The following TAF7L variants were observed in gnomAD, a reference collection of about 807,000 sequenced individuals.
TAF7L encodes the protein transcription initiation factor TFIID subunit 7-like.
Under a neutral mutation model 30.2 loss-of-function variants are expected in TAF7L, and 6 were observed. The observed-to-expected ratio is 0.20, with a 90% CI of 0.11 to 0.39. The LOEUF (loss-of-function observed/expected upper bound fraction) is 0.39, where lower values mean the gene tolerates loss of function less well. Ranked by LOEUF, TAF7L falls within the 10% of genes least tolerant of loss-of-function variation. The pLI, the probability that TAF7L is intolerant of heterozygous loss-of-function variation, is 1.00. For missense variants in TAF7L, 284 were observed against 277.1 expected (o/e 1.03, Z -0.18); for synonymous variants, 93 against 94.5 (o/e 0.98, Z 0.09).
In TAF7L at chrX:101,291,212, C is replaced by A; in HGVS notation, c.-3+12G>T. ...ACCCGGTCCCGGCCGCCCGGTCGGC[C>A]GCCCGACTCACCCGCTCCTCCGGGA... On this transcript the variant is annotated intron_variant, in intron 1 of 12. Coordinates refer to ENST00000356784, the MANE Select transcript of TAF7L (RefSeq NM_001168474.2). The A allele has an allele frequency of 1.3e-6, 1 of 745,262 alleles. No individual in the cohort carries two copies. The highest frequency in any genetic ancestry group is 1.6e-6 in the Non-Finnish European group (1 of 631,018). The allele number at this position is 745,262 out of a possible 1,213,427, so 61.4% of individuals were successfully genotyped here.
At chrX:101,274,147 T>A (rs1476397308) in intron 12 of TAF7L, among the ~76,000 whole-genome samples, 1 of 112,007 alleles carries the variant, frequency 8.9e-6, no homozygotes, top group African/African-American at 3.2e-5. Context: ...TCTTAGAAAC[T>A]GCAACTTTAA....
intron 7 of TAF7L, among the ~76,000 whole-genome samples, chrX:101,278,454 A>G (rs1307721183): frequency 8.9e-6 from 1 of 112,406 alleles, no homozygotes; most frequent in Non-Finnish European, 1.9e-5. Flanking sequence ...TATATTGGCA[A>G]AGAACTATAA....
At chrX:101,269,360 TTAG>T in intron 12 of TAF7L, 123 bp from the exon 13 acceptor site, 10 of 616,815 alleles carry the variant, frequency 1.6e-5, no homozygotes, top group Non-Finnish European at 2.6e-5. Flanking sequence ...TAAGGTTATC[TTAG>T]TCTTGCAATG....
At chrX:101,292,696 C>G (rs1924867560), upstream of TAF7L, 1 of 1,074,835 alleles carries the variant, frequency 9.3e-7, no homozygotes, top group Non-Finnish European at 1.3e-6. Flanking sequence ...TCAAGGGGGC[C>G]GCAATTCAAA....
upstream of TAF7L, among the ~76,000 whole-genome samples, chrX:101,291,784 T>G (rs1390961971): frequency 9.3e-6 from 1 of 107,364 alleles, no homozygotes; most frequent in Non-Finnish European, 1.9e-5. Context: ...GAGAATCGCT[T>G]GAACCCGGGA....
intron 12 of TAF7L, among the ~76,000 whole-genome samples, chrX:101,273,278 A>C (rs1239226854): frequency 9.0e-6 from 1 of 111,549 alleles, no homozygotes; most frequent in Non-Finnish European, 1.9e-5. Context: ...CCAGATAATA[A>C]TCAGAGTAAC....
intron 12 of TAF7L, among the ~76,000 whole-genome samples, chrX:101,269,845 A>C (rs907554710): frequency 1.8e-5 from 2 of 112,045 alleles, no homozygotes; most frequent in African/African-American, 3.2e-5. Flanking sequence ...TTAAAAAAAA[A>C]CAATATTTTT....
intron 5 of TAF7L, 110 bp from the exon 6 acceptor site, chrX:101,281,885 C>CTTTT (rs150397187): frequency 3.0e-5 from 13 of 439,806 alleles, no homozygotes; most frequent in South Asian, 2.6e-4. Flanking sequence ...GACATCACTC[C>CTTTT]TTTTTTTTTT....
At chrX:101,281,320 A>C (rs978136524) in intron 6 of TAF7L, among the ~76,000 whole-genome samples, 9 of 112,246 alleles carry the variant, frequency 8.0e-5, no homozygotes, top group African/African-American at 2.6e-4. Context: ...ACAAAAGAAG[A>C]AGCCAAGCCA....
intron 11 of TAF7L, 110 bp downstream of exon 11, chrX:101,275,890 A>G: frequency 1.9e-6 from 1 of 517,608 alleles, no homozygotes; most frequent in African/African-American, 2.3e-5. Context: ...GAGGCTGTTT[A>G]GGTTCATGAA....
intron 1 of TAF7L, among the ~76,000 whole-genome samples, chrX:101,289,385 A>G (rs1924722290): frequency 8.9e-6 from 1 of 112,053 alleles, no homozygotes; most frequent in Non-Finnish European, 1.9e-5. Context: ...ACTGATCTCA[A>G]GTTTTTAGGA....
chrX:101,273,179 T>C (rs1924030442), intron 12 of TAF7L, among the ~76,000 whole-genome samples: 1 of 111,541 alleles, frequency 9.0e-6, no homozygotes, highest in Non-Finnish European at 1.9e-5. Flanking sequence ...ACTAACTTAG[T>C]CCAAGTTACC....
chrX:101,279,894 C>T (rs1489834281), intron 6 of TAF7L, among the ~76,000 whole-genome samples: 5 of 110,122 alleles, frequency 4.5e-5, no homozygotes, highest in South Asian at 7.6e-4. Context: ...ACAAATAGTG[C>T]GAGAGCAATT....
intron 3 of TAF7L, among the ~76,000 whole-genome samples, chrX:101,286,267 A>G (rs1019352623): frequency 1.5e-4 from 17 of 111,565 alleles, no homozygotes; most frequent in East Asian, 2.8e-4. Context: ...TCCATTTGTC[A>G]TTCCCTTGGA....
At chrX:101,270,384 G>A (rs1306230451) in intron 12 of TAF7L, among the ~76,000 whole-genome samples, 2 of 111,134 alleles carry the variant, frequency 1.8e-5, no homozygotes, top group East Asian at 5.7e-4. Context: ...CTCAGTTGCT[G>A]AGTGACCCCT....
At chrX:101,277,472 A>AAAAAAATT in intron 9 of TAF7L, 134 bp downstream of exon 9, 2 of 252,288 alleles carry the variant, frequency 7.9e-6, no homozygotes, top group Non-Finnish European at 6.9e-6. Context: ...AAAAAAAAAG[A>AAAAAAATT]GGGAAGGACG....
Position 101,277,733 on chromosome X carries a change from G to A in TAF7L, c.578-14C>T. On this transcript the variant is annotated splice_polypyrimidine_tract_variant and intron_variant, in intron 8 of 12. Coordinates refer to ENST00000356784, the MANE Select transcript of TAF7L (RefSeq NM_001168474.2). ...TGACTTCCCAACCTGAAAGGAGTGG[G>A]TAGTCAAGGAAAACACAGAAGGAAA... 1.8e-6 allele frequency: 2 copies of A among 1,117,064 alleles called. No homozygotes were observed. The highest frequency in any genetic ancestry group is 1.9e-5 in the South Asian group (1 of 52,725). 92.1% of individuals were successfully genotyped at this position (1,117,064 alleles called of 1,213,427 possible).
At chrX:101,291,066 G>C (rs2147388297) in intron 1 of TAF7L, among the ~76,000 whole-genome samples, 158 bp downstream of exon 1, 1 of 112,440 alleles carries the variant, frequency 8.9e-6, no homozygotes, top group African/African-American at 3.2e-5. Context: ...ACTTTCCCTT[G>C]AAAACTTCTC....
chrX:101,273,064 G>A (rs915827496), intron 12 of TAF7L, among the ~76,000 whole-genome samples: 1 of 111,249 alleles, frequency 9.0e-6, no homozygotes, highest in Non-Finnish European at 1.9e-5. Context: ...ACGCACCACC[G>A]CACCCAGCCT....
Sources: allele counts gnomAD v4.1 joint callset (sites outside exome capture counted in the v4.1 genomes callset), GRCh38; gene constraint gnomAD v4.1.1; transcripts MANE v1.5; gene names NCBI Gene and HGNC (gene_info 2026-07-23, HGNC 2026-07-21).